Variants in SPATA25 observed in about 807,000 individuals in gnomAD.
The protein encoded by SPATA25 is spermatogenesis associated 25, also known as spermatogenesis-associated protein 25.
SPATA25 carries 16 observed loss-of-function variants against 16.0 expected under a neutral mutation model. That is an observed-to-expected ratio of 1.00 (90% confidence interval 0.68 to 1.52). The LOEUF is 1.52. Among genes scored for constraint, SPATA25 ranks in the 40% most tolerant of loss-of-function variants. SPATA25 has a pLI of 0.00. For missense variants in SPATA25, 285 were observed against 289.2 expected (o/e 0.99, Z 0.11); for synonymous variants, 115 against 118.5 (o/e 0.97, Z 0.19).
At chr20:45,890,134 C>T (rs1050418651), upstream of SPATA25, 4 of 1,142,068 alleles carry the variant, frequency 3.5e-6, no homozygotes, top group Admixed American at 4.1e-5. Context: ...AAGCTAGATT[C>T]TCCCACTCTT....
At chr20:45,890,516 A>G (rs1480381625), upstream of SPATA25, 4 of 1,601,060 alleles carry the variant, frequency 2.5e-6, no homozygotes, top group East Asian at 8.9e-5. Context: ...GCGGCCCACC[A>G]GGCGGTCCCG....
upstream of SPATA25, chr20:45,887,740 A>T (rs1434194791): frequency 1.6e-5 from 10 of 616,762 alleles, no homozygotes; most frequent in Non-Finnish European, 2.2e-5. Context: ...GAACCTGGAC[A>T]TGACAATAGG....
chr20:45,887,559 G>T lies in SPATA25; in HGVS notation c.32C>A (p.Pro11Gln). The T allele has an allele frequency of 6.2e-7, 1 of 1,613,790 alleles. No individual in the cohort carries two copies. The highest frequency in any genetic ancestry group is 1.1e-5 in the South Asian group (1 of 90,988). Residue 11 changes from proline (P) to glutamine (Q), a missense_variant, in exon 1 of 2, where the codon CCA becomes CAA. Coordinates refer to ENST00000372519, the MANE Select transcript of SPATA25 (RefSeq NM_080608.4). ...ACCTTGGCCGGAAGGCAGAGGACCTGGATGAGTTTGTGGAGTCCTGAAGTA... is the reference window on the plus strand; with the variant it reads ...ACCTTGGCCGGAAGGCAGAGGACCTTGATGAGTTTGTGGAGTCCTGAAGTA... MSYFRTPQTH[P>Q]GPLPSGQGGA...
upstream of SPATA25, chr20:45,890,919 G>C: frequency 6.5e-7 from 1 of 1,538,724 alleles, no homozygotes; most frequent in Non-Finnish European, 8.8e-7. Context: ...CGATGGAAGC[G>C]GGTGGGAGGG....
chr20:45,890,976 C>G (rs913907083), upstream of SPATA25: 46 of 1,492,046 alleles, frequency 3.1e-5, no homozygotes, highest in Non-Finnish European at 4.1e-5. Flanking sequence ...TCCACGGGCT[C>G]GGAGGCAGCA....
upstream of SPATA25, among the ~76,000 whole-genome samples, chr20:45,888,461 A>G (rs1986566394): frequency 6.6e-6 from 1 of 152,180 alleles, no homozygotes; most frequent in African/African-American, 2.4e-5. Context: ...CAAATCAAAT[A>G]CGAATCCCTA....
At position 45,887,096 on chromosome 20, in the gene SPATA25, C is replaced by T. The variant is rs1568756357; in HGVS notation, c.105G>A (p.Glu35=). Residue 35 remains glutamate (E), a synonymous_variant, in exon 2 of 2, where the codon GAG becomes GAA. Coordinates refer to ENST00000372519, the MANE Select transcript of SPATA25 (RefSeq NM_080608.4). ...GLSLGLCSPV[E]PVVVASGGTG... is the part of the protein sequence containing the mutation. ...TTCCACCAGAGGCCACCACCACTGG[C>T]TCTACAGGACTACAGAGGCCAAGGG... is the stretch of plus-strand genomic sequence containing the variant. 1.2e-6 allele frequency: 2 copies of T among 1,604,566 alleles called. No individual in the cohort carries two copies. Among genetic ancestry groups the T allele is most frequent in the Non-Finnish European group, 1.7e-6 (2 of 1,179,818 alleles).
Position 45,887,523 on chromosome 20 carries a change from G to A in SPATA25, c.55+13C>T, listed in dbSNP as rs537854064. The A allele has an allele frequency of 6.2e-7, 1 of 1,612,104 alleles. No individual in the cohort carries two copies. Among genetic ancestry groups the A allele is most frequent in the East Asian group, 2.2e-5 (1 of 44,752 alleles). Reference sequence around the variant, plus strand: ...TGCCGCACTCCCTCCAATTGCAGGTGCCCCCCGCTCACCTTGGCCGGAAGG... The same window carrying A: ...TGCCGCACTCCCTCCAATTGCAGGTACCCCCCGCTCACCTTGGCCGGAAGG... On this transcript the variant is annotated intron_variant, in intron 1 of 1. Transcript: ENST00000372519.
upstream of SPATA25, chr20:45,890,464 A>T (rs760597081): frequency 3.7e-6 from 6 of 1,603,582 alleles, no homozygotes; most frequent in Non-Finnish European, 5.1e-6. Flanking sequence ...CGTTCAGCTC[A>T]TAGAGCTGGT....
chr20:45,888,598 C>T, upstream of SPATA25: 2 of 674,564 alleles, frequency 3.0e-6, no homozygotes, highest in Non-Finnish European at 2.5e-6. Context: ...CGAAGTGACT[C>T]TCATAGGCTG....
Sources: allele counts gnomAD v4.1 joint callset (sites outside exome capture counted in the v4.1 genomes callset), GRCh38; gene constraint gnomAD v4.1.1; transcripts MANE v1.5; gene names NCBI Gene and HGNC (gene_info 2026-07-23, HGNC 2026-07-21).